VPS33B: variants seen among roughly 807,000 people sequenced by gnomAD.
The protein encoded by VPS33B is VPS33B late endosome and lysosome associated, also known as vacuolar protein sorting-associated protein 33B.
A neutral mutation model predicts 95.3 loss-of-function variants in VPS33B; 80 were observed. The observed-to-expected ratio is 0.84, with a 90% CI of 0.70 to 1.01. The LOEUF is 1.01. Among genes scored for constraint, VPS33B ranks in the 50% least tolerant of loss-of-function variants. VPS33B has a pLI of 0.00. For missense variants in VPS33B, 715 were observed against 773.4 expected, an observed-to-expected ratio of 0.92 and a Z score of 0.90; for synonymous variants, 280 against 280.4, an observed-to-expected ratio of 1.00 and a Z score of 0.01.
At chr15:91,014,325 G>A in intron 4 of VPS33B, 59 bp downstream of exon 4, 3 of 1,573,342 alleles carry the variant, frequency 1.9e-6, no homozygotes, top group Non-Finnish European at 1.7e-6. Flanking sequence ...TTATGGCCAA[G>A]GCCCTTAGAT....
Position 91,022,108 on chromosome 15 carries a change from G to A in VPS33B, c.96+46C>T, listed in dbSNP as rs1567232140. 4 of 1,541,978 alleles carry A rather than the reference G, an allele frequency of 2.6e-6. No homozygotes were observed. The East Asian group carries it at 9.8e-5, about 38-fold the overall frequency. On this transcript the variant is annotated intron_variant, in intron 1 of 22. Transcript: ENST00000333371. The stretch of plus-strand genomic sequence containing the variant: ...GGCAAGGAAGAAATGTGCATCCAAT[G>A]AGTGCTAAACTGTAGATGCGATAAA...
At position 91,009,069 on chromosome 15, in the gene VPS33B, G is replaced by A. The variant is rs779163101; in HGVS notation, c.403+732C>T. 6.6e-6 allele frequency among the ~76,000 whole-genome samples: 1 copy of A among 152,108 alleles called. No individual in the cohort carries two copies. Among genetic ancestry groups the A allele is most frequent in the African/African-American group, 2.4e-5 (1 of 41,404 alleles). ...TTGAGCCGCTGCTATTTCCAGCAGG[G>A]AGGGCTGTGATCAGGTTTGGGTTGT... is the stretch of plus-strand genomic sequence containing the variant. On this transcript the variant is annotated intron_variant, in intron 6 of 22. Transcript: ENST00000333371. This position sits in a 1 kb window ranked among gnomAD's most constrained non-coding sequence, Gnocchi z 4.1.
In VPS33B at chr15:91,018,632, A is replaced by C. The variant is rs556699434; in HGVS notation, c.97-747T>G. 1.7e-3 allele frequency among the ~76,000 whole-genome samples: 260 copies of C among 152,268 alleles called. 2 individuals are homozygous for C. Among genetic ancestry groups the C allele is most frequent in the African/African-American group, 6.0e-3 (248 of 41,552 alleles). Reference sequence around the variant, plus strand: ...GAGGGACATTTGGCAATGTCCAGACACATTTTTGGTTATCTGACTCAGGGT... The same window carrying C: ...GAGGGACATTTGGCAATGTCCAGACCCATTTTTGGTTATCTGACTCAGGGT... On this transcript the variant is annotated intron_variant, in intron 1 of 22. Transcript: ENST00000333371. The surrounding 1 kb of genome is among the most constrained non-coding windows in gnomAD (Gnocchi z 4.7).
chr15:90,998,441 CACA>C (rs1245809932), downstream of VPS33B: 1 of 161,214 alleles, frequency 6.2e-6, no homozygotes, highest in Non-Finnish European at 1.4e-5. This position sits in a 1 kb window ranked among gnomAD's most constrained non-coding sequence, Gnocchi z 4.8. Context: ...TGTAATGAAT[CACA>C]ACATTTTAGA....
At position 91,018,656 on chromosome 15, in the gene VPS33B, G is replaced by A. The variant is rs2041013066; in HGVS notation, c.97-771C>T. Among the ~76,000 whole-genome samples the A allele has an allele frequency of 6.6e-6, 1 of 152,182 alleles. No homozygotes were observed. The highest frequency in any genetic ancestry group is 2.4e-5 in the African/African-American group (1 of 41,438). On this transcript the variant is annotated intron_variant, in intron 1 of 22. Transcript: ENST00000333371. The surrounding 1 kb of genome is among the most constrained non-coding windows in gnomAD (Gnocchi z 4.7). ...CACATTTTTGGTTATCTGACTCAGGGTAGGGGTTTTACTGGCATCTTGTGG... is the reference window on the plus strand; with the variant it reads ...CACATTTTTGGTTATCTGACTCAGGATAGGGGTTTTACTGGCATCTTGTGG...
rs1487639766 is a variant in VPS33B at position 91,006,050 on chromosome 15, C to A, written c.862G>T (p.Glu288Ter). 6.2e-7 allele frequency: 1 copy of A among 1,614,194 alleles called. No homozygotes were observed. The highest frequency in any genetic ancestry group is 1.1e-5 in the South Asian group (1 of 91,082). The change falls in exon 12 of 23, where the codon GAG becomes TAG. Residue 288 changes from glutamate (E) to a stop codon, truncating the protein, a stop_gained. Coordinates refer to ENST00000333371, the MANE Select transcript of VPS33B (RefSeq NM_018668.5). LOFTEE classifies it high-confidence loss of function. This position sits in a 1 kb window ranked among gnomAD's most constrained non-coding sequence, Gnocchi z 5.4. Reference protein sequence around the residue: ...LLNAEDKVFNEIRNEHFSNVF... With the variant: ...LLNAEDKVFN ...TTGGAGAAGTGCTCGTTCCGAATCT[C>A]ATTAAACACCTGTGAGGACAGTAAG...
In VPS33B at chr15:91,019,780, A is replaced by G. The variant is rs559149898; in HGVS notation, c.97-1895T>C. ...CTGGTGGTGGTGTGAGCAAACATAG[A>G]TTAAGAGATACATGGAATGTGTAAT... On this transcript the variant is annotated intron_variant, in intron 1 of 22. Coordinates refer to ENST00000333371, the MANE Select transcript of VPS33B (RefSeq NM_018668.5). 8.6e-5 allele frequency among the ~76,000 whole-genome samples: 13 copies of G among 151,786 alleles called. No homozygotes were observed. In the East Asian group the frequency reaches 2.4e-3, roughly 28 times the overall value.
At position 91,002,810 on chromosome 15, in the gene VPS33B, A is replaced by G. The variant is rs1350466020; in HGVS notation, c.1272+275T>C. 6.6e-6 allele frequency among the ~76,000 whole-genome samples: 1 copy of G among 150,860 alleles called. No individual in the cohort carries two copies. Among genetic ancestry groups the G allele is most frequent in the Non-Finnish European group, 1.5e-5 (1 of 67,876 alleles). ...GCCTCACACGGTGCTAAAATGAGGG[A>G]GACTCCCAGGAGAAAGAACTCACAC... On this transcript the variant is annotated intron_variant, in intron 17 of 22. Transcript: ENST00000333371. This position sits in a 1 kb window ranked among gnomAD's most constrained non-coding sequence, Gnocchi z 4.7.
Position 90,998,883 on chromosome 15 carries a change from T to A in VPS33B, c.*92A>T. ...CTCCCGGCTCTTAGCAGGTAGTTGG[T>A]GGACACTTGGTTATAGCAGCTGGGT... On this transcript the variant is annotated 3_prime_UTR_variant, in exon 23 of 23. Coordinates refer to ENST00000333371, the MANE Select transcript of VPS33B (RefSeq NM_018668.5). This position sits in a 1 kb window ranked among gnomAD's most constrained non-coding sequence, Gnocchi z 4.8. 7.2e-7 allele frequency: 1 copy of A among 1,391,670 alleles called. No homozygotes were observed. Among genetic ancestry groups the A allele is most frequent in the Non-Finnish European group, 1.0e-6 (1 of 990,576 alleles). 86.2% of individuals were successfully genotyped at this position (1,391,670 alleles called of 1,614,324 possible). A position where few individuals can be genotyped will look rare whatever the true frequency, so the allele number is the denominator to read the frequency against.
rs755339991 is a variant in VPS33B, at chr15:91,004,936, A to G, written c.1171-5T>C. ...CAGGCTTTCTATAGGCGACACCTGC[A>G]TAGGAAGAAAGAATCAAGGAGAATT... On this transcript the variant is annotated splice_polypyrimidine_tract_variant and splice_region_variant and intron_variant, in intron 15 of 22. Transcript: ENST00000333371. 4 of 1,614,240 alleles carry G rather than the reference A, an allele frequency of 2.5e-6. No homozygotes were observed. The South Asian group carries it at 4.4e-5, about 18-fold the overall frequency.
rs1478354530 is a variant in VPS33B, at chr15:91,018,685, G to C, written c.97-800C>G. On this transcript the variant is annotated intron_variant, in intron 1 of 22. Transcript: ENST00000333371. This position sits in a 1 kb window ranked among gnomAD's most constrained non-coding sequence, Gnocchi z 4.7. ...GGGTTTTACTGGCATCTTGTGGGTA[G>C]AGGCCAGGGGTGCTGCTAGACATCC... Among the ~76,000 whole-genome samples the C allele has an allele frequency of 1.3e-5, 2 of 152,226 alleles. No individual in the cohort carries two copies. Among genetic ancestry groups the C allele is most frequent in the East Asian group, 3.8e-4 (2 of 5,196 alleles).
chr15:91,003,178 G>C, intron 16 of VPS33B, 47 bp from the exon 17 acceptor site: 1 of 1,595,766 alleles, frequency 6.3e-7, no homozygotes, highest in East Asian at 2.2e-5. Context: ...GAGGCCGGCA[G>C]AGGCACCCTA....
chr15:91,007,095 A>G lies in VPS33B; in HGVS notation c.604-49T>C, dbSNP rs2040632312. ...AGTCTTGTGTCCAGGTCCCTACTGCAGCCCCATACCTACAGAAGTCAGCCC... is the reference window on the plus strand; with the variant it reads ...AGTCTTGTGTCCAGGTCCCTACTGCGGCCCCATACCTACAGAAGTCAGCCC... On this transcript the variant is annotated intron_variant, in intron 8 of 22. Coordinates refer to ENST00000333371, the MANE Select transcript of VPS33B (RefSeq NM_018668.5). The surrounding 1 kb of genome is among the most constrained non-coding windows in gnomAD (Gnocchi z 5.3). 1.3e-6 allele frequency: 2 copies of G among 1,593,180 alleles called. No homozygotes were observed. Among genetic ancestry groups the G allele is most frequent in the Middle Eastern group, 1.7e-4 (1 of 5,954 alleles).
Position 91,015,060 on chromosome 15 carries a change from G to T in VPS33B, c.240-627C>A, listed in dbSNP as rs991369195. ...TACTAAAAATACAAACATTGGCTGG[G>T]CATGGTGGCTCACACCTGTAATCCC... On this transcript the variant is annotated intron_variant, in intron 3 of 22. Transcript: ENST00000333371. This position sits in a 1 kb window ranked among gnomAD's most constrained non-coding sequence, Gnocchi z 4.7. Among the ~76,000 whole-genome samples, 1 of 151,204 alleles carries T rather than the reference G, an allele frequency of 6.6e-6. No individual in the cohort carries two copies. Among genetic ancestry groups the T allele is most frequent in the African/African-American group, 2.4e-5 (1 of 40,938 alleles).
In VPS33B at chr15:90,999,587, G is replaced by C; in HGVS notation, c.1774+90C>G. 7.2e-7 allele frequency: 1 copy of C among 1,385,788 alleles called. No individual in the cohort carries two copies. The highest frequency in any genetic ancestry group is 1.0e-6 in the Non-Finnish European group (1 of 978,294). The allele number at this position is 1,385,788 out of a possible 1,614,324, so 85.8% of individuals were successfully genotyped here. On this transcript the variant is annotated intron_variant, in intron 22 of 22. Coordinates refer to ENST00000333371, the MANE Select transcript of VPS33B (RefSeq NM_018668.5). The surrounding 1 kb of genome is among the most constrained non-coding windows in gnomAD (Gnocchi z 5.1). The stretch of plus-strand genomic sequence containing the variant: ...GCCCGCCTCCGCCTCCCAAAGTGCT[G>C]AGATTACAGGTATGAACCACCGTGC...
In VPS33B at chr15:91,009,856, A is replaced by C; in HGVS notation, c.358-10T>G. On this transcript the variant is annotated splice_polypyrimidine_tract_variant and intron_variant, in intron 5 of 22. Coordinates refer to ENST00000333371, the MANE Select transcript of VPS33B (RefSeq NM_018668.5). The surrounding 1 kb of genome is among the most constrained non-coding windows in gnomAD (Gnocchi z 4.1). ...TCTCACACGCATAGAACTGAAAGAG[A>C]AAAGGAAATTGATTAGTAACTACCT... is the stretch of plus-strand genomic sequence containing the variant. 6.2e-7 allele frequency: 1 copy of C among 1,614,092 alleles called. No homozygotes were observed. Among genetic ancestry groups the C allele is most frequent in the Non-Finnish European group, 8.5e-7 (1 of 1,179,964 alleles).
At position 91,005,275 on chromosome 15, in the gene VPS33B, G is replaced by A; in HGVS notation, c.1105+105C>T. Reference sequence around the variant, plus strand: ...CAGGAACCAGCATTCCACATAGCCAGTGTCAGCTGGAAAGAGCCAGAGAAC... The same window carrying A: ...CAGGAACCAGCATTCCACATAGCCAATGTCAGCTGGAAAGAGCCAGAGAAC... On this transcript the variant is annotated intron_variant, in intron 14 of 22. Transcript: ENST00000333371. This position sits in a 1 kb window ranked among gnomAD's most constrained non-coding sequence, Gnocchi z 6.4. The A allele has an allele frequency of 1.2e-6, 2 of 1,612,844 alleles. No individual in the cohort carries two copies. The highest frequency in any genetic ancestry group is 1.3e-5 in the African/African-American group (1 of 75,032).
Position 91,017,903 on chromosome 15 carries a change from T to A in VPS33B, c.97-18A>T, listed in dbSNP as rs771642900. The A allele has an allele frequency of 1.9e-6, 3 of 1,613,598 alleles. No homozygotes were observed. In the Admixed American group the frequency reaches 5.0e-5, roughly 27 times the overall value. ...CCAGGAAGCTGAAGGAGACACAATA[T>A]GTTGGGTCACTCACAGGTCACATGA... On this transcript the variant is annotated intron_variant, in intron 1 of 22. Transcript: ENST00000333371.
At position 91,022,283 on chromosome 15, in the gene VPS33B, C is replaced by G; in HGVS notation, c.-34G>C. 6.6e-7 allele frequency: 1 copy of G among 1,525,470 alleles called. No homozygotes were observed. Among genetic ancestry groups the G allele is most frequent in the Non-Finnish European group, 8.9e-7 (1 of 1,128,940 alleles). The allele number at this position is 1,525,470 out of a possible 1,614,324, so 94.5% of individuals were successfully genotyped here. A position where few individuals can be genotyped will look rare whatever the true frequency, so the allele number is the denominator to read the frequency against. ...TCACCTGCGCCGCGGGGTGGAAGGA[C>G]GCCCTTCGTTCTGAGAAGGCCGGCC... On this transcript the variant is annotated 5_prime_UTR_variant, in exon 1 of 23. Coordinates refer to ENST00000333371, the MANE Select transcript of VPS33B (RefSeq NM_018668.5).
Sources: gnomAD v4.1 joint callset for allele counts (sites outside exome capture counted in the v4.1 genomes callset) on GRCh38, gnomAD v4.1.1 for gene constraint, Gnocchi (gnomAD v3.1) non-coding constraint, MANE v1.5 for transcripts, NCBI Gene and HGNC (gene_info 2026-07-23, HGNC 2026-07-21) for gene names.